PSD3: variants seen among roughly 807,000 people sequenced by gnomAD.
PSD3 encodes PH and SEC7 domain-containing protein 3.
PSD3 carries 49 observed loss-of-function variants against 105.5 expected under a neutral mutation model. The observed-to-expected ratio is 0.46, with a 90% CI of 0.37 to 0.59. The LOEUF (loss-of-function observed/expected upper bound fraction) is 0.59. PSD3 is among the 20% of genes least tolerant of loss of function. PSD3 has a pLI of 0.00. For synonymous variants in PSD3, 557 were observed against 457.8 expected, an observed-to-expected ratio of 1.22 and a Z score of -2.77; for missense variants, 1,561 against 1,263.8, an observed-to-expected ratio of 1.24 and a Z score of -3.57.
chr8:18,997,688 T>C (rs779265031), intron 1 of PSD3, among the ~76,000 whole-genome samples: 19 of 152,044 alleles, frequency 1.2e-4, no homozygotes, highest in Non-Finnish European at 2.4e-4. Flanking sequence ...TGTGCTCCAG[T>C]CACACTGGTG....
intron 1 of PSD3, among the ~76,000 whole-genome samples, chr8:19,002,823 G>A (rs1043975513): frequency 6.6e-6 from 1 of 152,052 alleles, no homozygotes; most frequent in Non-Finnish European, 1.5e-5. Context: ...TAGAAACAGA[G>A]AGCTAAGTGT....
At chr8:18,980,670 C>T (rs543477729) in intron 1 of PSD3, among the ~76,000 whole-genome samples, 6 of 152,256 alleles carry the variant, frequency 3.9e-5, no homozygotes, top group African/African-American at 1.4e-4. Flanking sequence ...TCTCCCTCCA[C>T]ACACGCTCAA....
chr8:18,592,395 C>T (rs1045984725), intron 12 of PSD3, among the ~76,000 whole-genome samples: 5 of 151,860 alleles, frequency 3.3e-5, no homozygotes, highest in Non-Finnish European at 5.9e-5. Flanking sequence ...TTATGCAGAC[C>T]AACACATTAT....
At chr8:19,018,781 A>T (rs2129475772) in intron 1 of PSD3, among the ~76,000 whole-genome samples, 1 of 152,296 alleles carries the variant, frequency 6.6e-6, no homozygotes, top group African/African-American at 2.4e-5. Context: ...GTCTATCCTC[A>T]TGAGAGTCAG....
chr8:18,621,227 G>A (rs1806087795), intron 11 of PSD3, among the ~76,000 whole-genome samples: 1 of 152,130 alleles, frequency 6.6e-6, no homozygotes. Context: ...GGCCAACACA[G>A]CAAAACCGCT....
intron 14 of PSD3, among the ~76,000 whole-genome samples, chr8:18,559,841 G>A (rs976486206): frequency 6.6e-6 from 1 of 152,032 alleles, no homozygotes; most frequent in Non-Finnish European, 1.5e-5. Context: ...CCAATACCAG[G>A]GCTTGCTCGG....
At chr8:18,858,499 C>A (rs948153765) in intron 4 of PSD3, among the ~76,000 whole-genome samples, 5 of 152,078 alleles carry the variant, frequency 3.3e-5, no homozygotes, top group African/African-American at 1.2e-4. Flanking sequence ...CTTCTTTTCA[C>A]AAAATATTTC....
chr8:18,566,033 G>A (rs187155572), intron 14 of PSD3, among the ~76,000 whole-genome samples: 18 of 152,216 alleles, frequency 1.2e-4, no homozygotes, highest in African/African-American at 3.9e-4. Context: ...TTGAGGTACT[G>A]GAGGAATCCT....
At chr8:18,700,990 A>G (rs1364335259) in intron 9 of PSD3, among the ~76,000 whole-genome samples, 1 of 152,158 alleles carries the variant, frequency 6.6e-6, no homozygotes, top group Non-Finnish European at 1.5e-5. Context: ...ATTTTGAGAC[A>G]GGGTGTTACT....
chr8:18,901,559 G>T (rs537626122), intron 2 of PSD3, among the ~76,000 whole-genome samples: 10 of 152,106 alleles, frequency 6.6e-5, no homozygotes, highest in African/African-American at 2.4e-4. Context: ...CAGTTTGGTG[G>T]TTTTCTGTAG....
At chr8:18,939,616 G>A (rs1327058996) in intron 1 of PSD3, among the ~76,000 whole-genome samples, 2 of 151,540 alleles carry the variant, frequency 1.3e-5, no homozygotes, top group Non-Finnish European at 2.9e-5. Context: ...CTGAGAAGTT[G>A]GGATACATAT....
intron 1 of PSD3, among the ~76,000 whole-genome samples, chr8:19,072,016 C>A (rs552528115): frequency 1.3e-5 from 2 of 151,762 alleles, no homozygotes; most frequent in Non-Finnish European, 2.9e-5. Context: ...GGTCTGCCTT[C>A]TACTTTTTAA....
intron 1 of PSD3, among the ~76,000 whole-genome samples, chr8:18,944,430 G>C (rs1405875008): frequency 5.9e-5 from 9 of 152,076 alleles, no homozygotes; most frequent in African/African-American, 1.9e-4. Flanking sequence ...AATTAGCCAG[G>C]TGTTGTGGTG....
At chr8:19,025,625 A>G (rs1244295088) in intron 1 of PSD3, among the ~76,000 whole-genome samples, 3 of 152,162 alleles carry the variant, frequency 2.0e-5, no homozygotes, top group African/African-American at 7.2e-5. Flanking sequence ...GGAACCTCTG[A>G]TTTATGGCCA....
intron 1 of PSD3, among the ~76,000 whole-genome samples, chr8:19,068,316 G>C (rs1479804391): frequency 6.6e-6 from 1 of 150,776 alleles, no homozygotes; most frequent in Non-Finnish European, 1.5e-5. Flanking sequence ...TTTGAGACAG[G>C]GTTCACTCTG....
intron 1 of PSD3, among the ~76,000 whole-genome samples, chr8:19,019,956 G>A (rs1416478597): frequency 1.3e-5 from 2 of 152,146 alleles, no homozygotes; most frequent in Non-Finnish European, 2.9e-5. Context: ...AGACCAGAGG[G>A]TGGTCCGGGG....
upstream of PSD3, chr8:19,084,791 C>T (rs1266131822): frequency 7.9e-6 from 2 of 252,626 alleles, no homozygotes; most frequent in Non-Finnish European, 1.6e-5. Context: ...GCCTGAGGTC[C>T]CAGCCTGCCA....
upstream of PSD3, among the ~76,000 whole-genome samples, chr8:19,017,050 CTTT>C (rs60211350): frequency 0.11 from 12,590 of 115,652 alleles, 577 homozygotes; most frequent in Non-Finnish European, 0.15. Flanking sequence ...TGGCTACATA[CTTT>C]TTTTTTTTTT....
chr8:18,702,599 T>C (rs896584334), intron 9 of PSD3, among the ~76,000 whole-genome samples: 3 of 152,076 alleles, frequency 2.0e-5, no homozygotes, highest in South Asian at 2.1e-4. Flanking sequence ...CTTCTAGCTA[T>C]AGGTACTCTT....
Sources: gnomAD v4.1 joint callset for allele counts (sites outside exome capture counted in the v4.1 genomes callset) on GRCh38, gnomAD v4.1.1 for gene constraint, MANE v1.5 for transcripts, NCBI Gene and HGNC (gene_info 2026-07-23, HGNC 2026-07-21) for gene names.